Variants in CSMD1 observed in about 807,000 individuals in gnomAD.
CSMD1 encodes the protein CUB and sushi domain-containing protein 1.
In CSMD1, 213 loss-of-function variants were observed where a neutral mutation model predicts 417.5. The ratio of observed to expected loss-of-function variants is 0.51; its 90% CI spans 0.46 to 0.57. The LOEUF (loss-of-function observed/expected upper bound fraction) is 0.57, where lower values mean the gene tolerates loss of function less well. CSMD1 is among the 20% of genes least tolerant of loss of function. CSMD1 has a pLI of 0.00. For missense variants in CSMD1, 6,923 were observed against 4,529.7 expected (o/e 1.53, Z -15.17); for synonymous variants, 2,862 against 1,736.8 (o/e 1.65, Z -16.11).
chr8:4,270,657 T>C (rs905258428), intron 3 of CSMD1, among the ~76,000 whole-genome samples: 2 of 152,226 alleles, frequency 1.3e-5, no homozygotes, highest in African/African-American at 4.8e-5. Context: ...AGATCGCGTG[T>C]CTGCCAATGT....
chr8:3,398,466 A>T (rs1811832379), intron 16 of CSMD1, among the ~76,000 whole-genome samples: 1 of 152,260 alleles, frequency 6.6e-6, no homozygotes, highest in South Asian at 2.1e-4. Flanking sequence ...ACTGAAAGTT[A>T]ACACAACTCC....
At chr8:3,472,090 C>T (rs183686116) in intron 11 of CSMD1, among the ~76,000 whole-genome samples, 1 of 152,084 alleles carries the variant, frequency 6.6e-6, no homozygotes, top group South Asian at 2.1e-4. Flanking sequence ...CTTCGTGTAG[C>T]CCCTGGCTTG....
chr8:3,775,674 C>T (rs768690167), intron 5 of CSMD1, among the ~76,000 whole-genome samples: 1 of 152,192 alleles, frequency 6.6e-6, no homozygotes, highest in East Asian at 1.9e-4. Context: ...GAGAGCCCAA[C>T]ACAGTCACTG....
chr8:4,181,656 G>C (rs1326145269), intron 3 of CSMD1, among the ~76,000 whole-genome samples: 3 of 152,088 alleles, frequency 2.0e-5, no homozygotes, highest in South Asian at 2.1e-4. Flanking sequence ...AAAAGTTATA[G>C]ATGATCAGAA....
intron 3 of CSMD1, among the ~76,000 whole-genome samples, chr8:4,093,907 C>G (rs1016097708): frequency 6.6e-5 from 10 of 151,940 alleles, no homozygotes; most frequent in African/African-American, 2.4e-4. Context: ...TTTCAGTGAG[C>G]CCAGATTGCG....
chr8:4,450,835 A>T (rs556919256), intron 2 of CSMD1, among the ~76,000 whole-genome samples: 1 of 152,288 alleles, frequency 6.6e-6, no homozygotes, highest in African/African-American at 2.4e-5. Context: ...ACTTGTGAGT[A>T]AGGGTGGTGG....
chr8:4,840,758 G>A (rs1432470752), intron 1 of CSMD1, among the ~76,000 whole-genome samples: 1 of 152,038 alleles, frequency 6.6e-6, no homozygotes, highest in Non-Finnish European at 1.5e-5. Context: ...CCCACTAATA[G>A]ACAAAACTAT....
intron 3 of CSMD1, among the ~76,000 whole-genome samples, chr8:4,201,022 A>G (rs937943745): frequency 1.3e-5 from 2 of 152,198 alleles, no homozygotes; most frequent in East Asian, 3.9e-4. Flanking sequence ...GGAAGGCATC[A>G]TGAGATACTA....
chr8:3,487,389 G>C (rs936073375), intron 11 of CSMD1, among the ~76,000 whole-genome samples: 2 of 152,018 alleles, frequency 1.3e-5, no homozygotes, highest in East Asian at 1.9e-4. Context: ...TTTTAGTAGA[G>C]ACAGGGTTTC....
intron 15 of CSMD1, among the ~76,000 whole-genome samples, chr8:3,404,889 G>C (rs952282232): frequency 6.6e-6 from 1 of 151,978 alleles, no homozygotes; most frequent in African/African-American, 2.4e-5. Flanking sequence ...TCTGCTGTTT[G>C]AAGCTGAATC....
intron 3 of CSMD1, among the ~76,000 whole-genome samples, chr8:4,364,423 G>C (rs1438949416): frequency 2.0e-5 from 3 of 152,030 alleles, no homozygotes; most frequent in African/African-American, 7.2e-5. Flanking sequence ...GTCCATACAA[G>C]ATTCATTTGT....
At chr8:4,362,354 C>A (rs1162009756) in intron 3 of CSMD1, among the ~76,000 whole-genome samples, 1 of 152,128 alleles carries the variant, frequency 6.6e-6, no homozygotes, top group Non-Finnish European at 1.5e-5. Flanking sequence ...GCTCATCTGT[C>A]TGCCCCCTGC....
intron 1 of CSMD1, among the ~76,000 whole-genome samples, chr8:4,768,438 G>C (rs761447572): frequency 6.6e-6 from 1 of 152,202 alleles, no homozygotes; most frequent in Non-Finnish European, 1.5e-5. Context: ...TTAAACGTCA[G>C]GGAAACAAAA....
intron 6 of CSMD1, among the ~76,000 whole-genome samples, chr8:3,742,667 A>G (rs9650510): frequency 0.34 from 50,997 of 151,798 alleles, 8,762 homozygotes; most frequent in Admixed American, 0.37. Flanking sequence ...CCATACACCT[A>G]CACTCAGAGT....
At chr8:4,775,906 G>A (rs1278429495) in intron 1 of CSMD1, among the ~76,000 whole-genome samples, 3 of 152,170 alleles carry the variant, frequency 2.0e-5, no homozygotes, top group Admixed American at 2.0e-4. Flanking sequence ...ACAAGTTAGG[G>A]AGTGGCACGC....
chr8:4,454,755 G>A (rs1224184719), intron 2 of CSMD1, among the ~76,000 whole-genome samples: 2 of 152,200 alleles, frequency 1.3e-5, no homozygotes, highest in Non-Finnish European at 2.9e-5. Flanking sequence ...TAGAAAGGAA[G>A]AATGTCTGAA....
intron 3 of CSMD1, among the ~76,000 whole-genome samples, chr8:4,050,505 G>T (rs1027554231): frequency 6.6e-6 from 1 of 151,996 alleles, no homozygotes; most frequent in East Asian, 1.9e-4. Context: ...GTAAATGGGG[G>T]TATGTATCAT....
intron 10 of CSMD1, among the ~76,000 whole-genome samples, chr8:3,526,688 G>C (rs1026578784): frequency 2.0e-5 from 3 of 152,146 alleles, no homozygotes; most frequent in African/African-American, 7.2e-5. Context: ...TAAAAGATCT[G>C]GCTTCAAAGC....
intron 3 of CSMD1, among the ~76,000 whole-genome samples, chr8:4,405,693 C>A (rs975408449): frequency 1.3e-5 from 2 of 152,204 alleles, no homozygotes; most frequent in Non-Finnish European, 2.9e-5. Flanking sequence ...CTCCATAAAA[C>A]AGGATGTGTC....
Sources: allele counts gnomAD v4.1 joint callset (sites outside exome capture counted in the v4.1 genomes callset), GRCh38; gene constraint gnomAD v4.1.1; transcripts MANE v1.5; gene names NCBI Gene and HGNC (gene_info 2026-07-23, HGNC 2026-07-21).